TENM4: variants seen among roughly 807,000 people sequenced by gnomAD.
TENM4 encodes the protein teneurin transmembrane protein 4, also known as teneurin-4.
Under a neutral mutation model 243.3 loss-of-function variants are expected in TENM4, and 82 were observed. The observed-to-expected ratio is 0.34, with a 90% CI of 0.28 to 0.40. The LOEUF (loss-of-function observed/expected upper bound fraction) is 0.40. Ranked by LOEUF, TENM4 falls within the 10% of genes least tolerant of loss-of-function variation. The pLI, the probability that TENM4 is intolerant of heterozygous loss-of-function variation, is 1.00. For missense variants in TENM4, 3,138 were observed against 3,673.3 expected, an observed-to-expected ratio of 0.85 and a Z score of 3.77; for synonymous variants, 1,412 against 1,456.3, an observed-to-expected ratio of 0.97 and a Z score of 0.69.
intron 6 of TENM4, among the ~76,000 whole-genome samples, chr11:79,059,252 C>T (rs745646948): frequency 5.3e-5 from 8 of 152,078 alleles, no homozygotes; most frequent in Non-Finnish European, 8.8e-5. Flanking sequence ...CTTACTGTTC[C>T]CCAGACCCAT....
chr11:78,944,672 G>A (rs914702326), intron 6 of TENM4, among the ~76,000 whole-genome samples: 7 of 152,228 alleles, frequency 4.6e-5, no homozygotes, highest in African/African-American at 1.7e-4. Context: ...GATATCAGGA[G>A]CGTTCCTGCT....
At chr11:78,826,578 C>G (rs1458539087) in intron 12 of TENM4, among the ~76,000 whole-genome samples, 3 of 152,070 alleles carry the variant, frequency 2.0e-5, no homozygotes, top group Non-Finnish European at 4.4e-5. Flanking sequence ...TGTCTCCAGG[C>G]CTGCCCCTTT....
intron 6 of TENM4, among the ~76,000 whole-genome samples, chr11:79,035,209 C>T (rs1010751860): frequency 1.3e-5 from 2 of 152,210 alleles, no homozygotes; most frequent in African/African-American, 4.8e-5. Context: ...CCTCCCCAGC[C>T]TCTGCTGCTC....
chr11:78,933,653 G>A (rs755370109), intron 6 of TENM4, among the ~76,000 whole-genome samples: 2 of 152,258 alleles, frequency 1.3e-5, no homozygotes, highest in South Asian at 2.1e-4. Context: ...TCTCAGAAGC[G>A]TTCAGGAGGC....
At chr11:78,862,506 A>G (rs1858848603) in intron 10 of TENM4, among the ~76,000 whole-genome samples, 1 of 152,222 alleles carries the variant, frequency 6.6e-6, no homozygotes, top group African/African-American at 2.4e-5. Context: ...CACGTTTAGT[A>G]AATGACAGAC....
rs576365207 is a variant in TENM4 at position 79,286,138 on chromosome 11, A to G, written c.-265+11350T>C. On this transcript the variant is annotated intron_variant, in intron 2 of 33. Transcript: ENST00000278550. ...CAGCTGATTTGCTAGAAGTGGTGCA[A>G]TGAAAGGTGATTGTATTTCTGTTTT... Among the ~76,000 whole-genome samples the G allele has an allele frequency of 3.9e-5, 6 of 152,292 alleles. No homozygotes were observed. In the East Asian group the frequency reaches 9.7e-4, roughly 24 times the overall value.
At chr11:78,825,748 G>C (rs1379490078) in intron 12 of TENM4, among the ~76,000 whole-genome samples, 1 of 152,208 alleles carries the variant, frequency 6.6e-6, no homozygotes, top group East Asian at 1.9e-4. Flanking sequence ...TCAAGTAAGA[G>C]TAAGAGCCAG....
At chr11:79,372,136 C>T (rs753560535) in intron 1 of TENM4, among the ~76,000 whole-genome samples, 26 of 152,238 alleles carry the variant, frequency 1.7e-4, no homozygotes, top group Non-Finnish European at 2.6e-4. Flanking sequence ...GAAAGATTGA[C>T]TTTTGTATCA....
At chr11:78,735,838 A>ACCCCTCCCCTCCCCT (rs71046996) in intron 20 of TENM4, among the ~76,000 whole-genome samples, 1 of 131,836 alleles carries the variant, frequency 7.6e-6, no homozygotes, top group Non-Finnish European at 1.6e-5. Flanking sequence ...CTTGGCTCCC[A>ACCCCTCCCCTCCCCT]CCCCTCCCCT....
intron 6 of TENM4, among the ~76,000 whole-genome samples, chr11:78,965,596 A>G (rs1357702835): frequency 6.6e-6 from 1 of 152,248 alleles, no homozygotes; most frequent in African/African-American, 2.4e-5. Context: ...AAATAGTTCC[A>G]GAACTAAGTA....
intron 6 of TENM4, among the ~76,000 whole-genome samples, chr11:79,031,450 A>G (rs1184446910): frequency 6.6e-6 from 1 of 152,184 alleles, no homozygotes; most frequent in East Asian, 1.9e-4. Context: ...GAGCTTTCTC[A>G]TAGGCACCAG....
At chr11:79,285,096 G>C (rs909534717) in intron 2 of TENM4, among the ~76,000 whole-genome samples, 5 of 152,010 alleles carry the variant, frequency 3.3e-5, no homozygotes, top group African/African-American at 7.2e-5. Flanking sequence ...AAATTAGCTG[G>C]GCATGGTGGT....
rs910010707 is a variant in TENM4, at chr11:79,213,954, G to C, written c.-163+1854C>G. Among the ~76,000 whole-genome samples the C allele has an allele frequency of 4.6e-5, 7 of 152,082 alleles. No individual in the cohort carries two copies. The East Asian group carries it at 1.4e-3, about 29-fold the overall frequency. On this transcript the variant is annotated intron_variant, in intron 3 of 33. Transcript: ENST00000278550. ...CTTGGCACAGTGCCTCAGTAAATGT[G>C]ACCCCACTTTACCTGTCCTTCTAAA...
intron 18 of TENM4, among the ~76,000 whole-genome samples, chr11:78,766,951 G>A (rs980044074): frequency 6.6e-6 from 1 of 152,104 alleles, no homozygotes. Flanking sequence ...TGATCCACCC[G>A]CCTCAGCCTC....
At chr11:79,066,682 A>C (rs1860261906) in intron 5 of TENM4, among the ~76,000 whole-genome samples, 1 of 151,072 alleles carries the variant, frequency 6.6e-6, no homozygotes, top group Non-Finnish European at 1.5e-5. Flanking sequence ...ACACACACGC[A>C]CGCATGCACA....
intron 3 of TENM4, among the ~76,000 whole-genome samples, chr11:79,179,519 T>C (rs1035787707): frequency 2.1e-5 from 3 of 145,524 alleles, no homozygotes; most frequent in Non-Finnish European, 4.7e-5. Flanking sequence ...AACAAGATGA[T>C]TAAGATAGTC....
In TENM4 at chr11:78,795,050, C is replaced by T. The variant is rs531781434; in HGVS notation, c.2180-7967G>A. Reference sequence around the variant, plus strand: ...TTTGGGCCTTCTTCTGTGCTTCTGCCTGGGCCATTTCCATAGTCTGGGCTC... The same window carrying T: ...TTTGGGCCTTCTTCTGTGCTTCTGCTTGGGCCATTTCCATAGTCTGGGCTC... On this transcript the variant is annotated intron_variant, in intron 15 of 33. Coordinates refer to ENST00000278550, the MANE Select transcript of TENM4 (RefSeq NM_001098816.3). Among the ~76,000 whole-genome samples the T allele has an allele frequency of 2.6e-5, 4 of 152,274 alleles. No homozygotes were observed. In the East Asian group the frequency reaches 5.8e-4, roughly 22 times the overall value.
At chr11:79,100,029 G>A (rs1377988851) in intron 4 of TENM4, among the ~76,000 whole-genome samples, 1 of 151,992 alleles carries the variant, frequency 6.6e-6, no homozygotes. Flanking sequence ...GCCGTTTTTA[G>A]CATCTTTAGC....
chr11:79,363,607 G>T lies in TENM4; in HGVS notation c.-320-66064C>A, dbSNP rs1857627583. ...CAATGTGAGGGTTACATGAGACAATGTGTGTAAAGTGTCCAGCACAGAGTC... is the reference window on the plus strand; with the variant it reads ...CAATGTGAGGGTTACATGAGACAATTTGTGTAAAGTGTCCAGCACAGAGTC... On this transcript the variant is annotated intron_variant, in intron 1 of 33. Coordinates refer to ENST00000278550, the MANE Select transcript of TENM4 (RefSeq NM_001098816.3). Among the ~76,000 whole-genome samples, 3 of 152,180 alleles carry T rather than the reference G, an allele frequency of 2.0e-5. No individual in the cohort carries two copies. In the South Asian group the frequency reaches 6.2e-4, roughly 32 times the overall value.
Sources: allele counts gnomAD v4.1 joint callset (sites outside exome capture counted in the v4.1 genomes callset), GRCh38; gene constraint gnomAD v4.1.1; transcripts MANE v1.5; gene names NCBI Gene and HGNC (gene_info 2026-07-23, HGNC 2026-07-21).